The following RAP1GAP variants were observed in gnomAD, a reference collection of about 807,000 sequenced individuals.
RAP1GAP encodes RAP1 GTPase activating protein.
RAP1GAP carries 35 observed loss-of-function variants against 87.2 expected under a neutral mutation model. The observed-to-expected ratio is 0.40, with a 90% CI of 0.31 to 0.53. RAP1GAP has a LOEUF of 0.53. RAP1GAP is among the 20% of genes least tolerant of loss of function. The pLI is 0.48. For synonymous variants in RAP1GAP, 375 were observed against 363.9 expected (o/e 1.03, Z -0.35); for missense variants, 734 against 898.9 (o/e 0.82, Z 2.35).
intron 1 of RAP1GAP, among the ~76,000 whole-genome samples, chr1:21,655,472 T>TCC (rs2096823951): frequency 6.6e-6 from 1 of 152,216 alleles, no homozygotes; most frequent in South Asian, 2.1e-4. Flanking sequence ...AACACATTAG[T>TCC]AACATCCCAT....
chr1:21,631,186 A>G (rs2093653716), intron 2 of RAP1GAP, among the ~76,000 whole-genome samples: 1 of 151,874 alleles, frequency 6.6e-6, no homozygotes, highest in South Asian at 2.1e-4. Context: ...CGTCTCCAAA[A>G]ACCATCCAAC....
At chr1:21,649,961 G>A (rs966946644) in intron 1 of RAP1GAP, among the ~76,000 whole-genome samples, 165 bp from the exon 2 acceptor site, 1 of 151,946 alleles carries the variant, frequency 6.6e-6, no homozygotes, top group Non-Finnish European at 1.5e-5. Context: ...GGCTGCAGTC[G>A]CCTGACTGTC....
chr1:21,617,309 G>T lies in RAP1GAP; in HGVS notation c.288C>A (p.Gly96=), dbSNP rs1420173601. 1 of 1,569,576 alleles carries T rather than the reference G, an allele frequency of 6.4e-7. No homozygotes were observed. Among genetic ancestry groups the T allele is most frequent in the South Asian group, 1.2e-5 (1 of 85,600 alleles). ...GCTGCACCAGCCGGCCACCCACCTT[G>T]CCGAGAAAGTGCTTCCGGTAGATGC... ...TARIYRKHFL[G]KEHFNYYSLD... The change falls in exon 7 of 25, where the codon GGC becomes GGA. Residue 96 remains glycine (G), a synonymous_variant. Transcript: ENST00000374765.
At chr1:21,632,215 G>A (rs567909253) in intron 2 of RAP1GAP, among the ~76,000 whole-genome samples, 29 of 152,216 alleles carry the variant, frequency 1.9e-4, no homozygotes, top group African/African-American at 6.5e-4. Flanking sequence ...GGGTGTGGGG[G>A]AAGGGCCCAG....
chr1:21,617,553 C>A, intron 6 of RAP1GAP, 62 bp from the exon 7 acceptor site: 1 of 1,513,036 alleles, frequency 6.6e-7, no homozygotes, highest in South Asian at 1.2e-5. Context: ...CCCAGGACAC[C>A]CTCCCAACTC....
At chr1:21,629,569 T>C (rs912844820) in intron 2 of RAP1GAP, among the ~76,000 whole-genome samples, 1 of 152,060 alleles carries the variant, frequency 6.6e-6, no homozygotes, top group Admixed American at 6.5e-5. Flanking sequence ...AAAAAGCCAC[T>C]GCTGAGGCCG....
At chr1:21,646,024 C>T (rs1428685231) in intron 2 of RAP1GAP, among the ~76,000 whole-genome samples, 2 of 152,226 alleles carry the variant, frequency 1.3e-5, no homozygotes, top group African/African-American at 4.8e-5. Flanking sequence ...TGCCCCTGGG[C>T]CACCACTTCC....
chr1:21,631,417 G>A (rs990278033), intron 2 of RAP1GAP, among the ~76,000 whole-genome samples: 2 of 152,220 alleles, frequency 1.3e-5, no homozygotes, highest in Non-Finnish European at 2.9e-5. Flanking sequence ...TGGGCACGGT[G>A]GCTCACACCT....
chr1:21,648,078 G>A (rs1035364890), intron 2 of RAP1GAP, among the ~76,000 whole-genome samples: 2 of 152,218 alleles, frequency 1.3e-5, no homozygotes, highest in African/African-American at 2.4e-5. Flanking sequence ...TGGGAAGGGA[G>A]GGCCTAGGGT....
Position 21,627,233 on chromosome 1 carries a change from C to T in RAP1GAP, c.-112-836G>A, listed in dbSNP as rs116496839. On this transcript the variant is annotated intron_variant, in intron 2 of 24. Transcript: ENST00000374765. The stretch of plus-strand genomic sequence containing the variant: ...TAGGGCCACCCTGACGTGGCTGCAC[C>T]TCTGCTCAGGTCCCATCAAGAGAGG... Among the ~76,000 whole-genome samples the T allele has an allele frequency of 5.6e-3, 860 of 152,298 alleles. 6 individuals are homozygous for T. Among genetic ancestry groups the T allele is most frequent in the African/African-American group, 0.02 (832 of 41,568 alleles).
In RAP1GAP at chr1:21,612,123, C is replaced by A; in HGVS notation, c.529-14G>T. 2 of 1,540,530 alleles carry A rather than the reference C, an allele frequency of 1.3e-6. No individual in the cohort carries two copies. Among genetic ancestry groups the A allele is most frequent in the Non-Finnish European group, 1.8e-6 (2 of 1,136,716 alleles). ...GAGCCGGGAAGCCTGCAGGAGAGGA[C>A]GCCGGGTGAAGAGGCTGCGTGTGCA... On this transcript the variant is annotated splice_polypyrimidine_tract_variant and intron_variant, in intron 10 of 24. Coordinates refer to ENST00000374765, the MANE Select transcript of RAP1GAP (RefSeq NM_002885.4).
In RAP1GAP at chr1:21,603,700, A is replaced by T; in HGVS notation, c.1429-787T>A. 1.0e-6 allele frequency: 1 copy of T among 972,890 alleles called. No individual in the cohort carries two copies. The highest frequency in any genetic ancestry group is 1.7e-6 in the Non-Finnish European group (1 of 605,660). The allele number at this position is 972,890 out of a possible 1,614,324, so 60.3% of individuals were successfully genotyped here. On this transcript the variant is annotated intron_variant, in intron 18 of 24. Coordinates refer to ENST00000374765, the MANE Select transcript of RAP1GAP (RefSeq NM_002885.4). The surrounding 1 kb of genome is among the most constrained non-coding windows in gnomAD (Gnocchi z 6.0). ...GCTGAGTGCCATCGGAGCTGCCGCC[A>T]CTCCATCCCGCACGCCCTGGGGCCT...
At chr1:21,600,550 A>G (rs1469964081) in intron 20 of RAP1GAP, among the ~76,000 whole-genome samples, 1 of 152,094 alleles carries the variant, frequency 6.6e-6, no homozygotes, top group Admixed American at 6.6e-5. Context: ...CGCCCTCGTA[A>G]TTAAAATCCT....
intron 1 of RAP1GAP, among the ~76,000 whole-genome samples, chr1:21,663,930 C>G (rs1438964910): frequency 6.6e-6 from 1 of 152,218 alleles, no homozygotes; most frequent in Non-Finnish European, 1.5e-5. Context: ...GCAATTCCCC[C>G]AGAGATACAA....
chr1:21,651,365 G>A (rs1350671173), intron 1 of RAP1GAP: 1 of 502,368 alleles, frequency 2.0e-6, no homozygotes, highest in Non-Finnish European at 4.0e-6. Context: ...ACCTCCCCCT[G>A]ACCTGCCTGC....
Position 21,610,332 on chromosome 1 carries a change from G to C in RAP1GAP, c.844-57C>G, listed in dbSNP as rs972676796. 90 of 1,596,578 alleles carry C rather than the reference G, an allele frequency of 5.6e-5. No homozygotes were observed. In the African/African-American group the frequency reaches 1.1e-3, roughly 20 times the overall value. ...GGCCAGAGGGGGCCCATGGGGGAGA[G>C]GGGTGCCCACGGGGGTTTAGGAGGG... On this transcript the variant is annotated intron_variant, in intron 13 of 24. Coordinates refer to ENST00000374765, the MANE Select transcript of RAP1GAP (RefSeq NM_002885.4).
intron 7 of RAP1GAP, among the ~76,000 whole-genome samples, chr1:21,616,136 A>AACACACACACACAC (rs58644324): frequency 4.7e-5 from 6 of 126,792 alleles, no homozygotes; most frequent in African/African-American, 1.8e-4. Flanking sequence ...CCCTCTTCCC[A>AACACACACACACAC]ACACACACAC....
intron 2 of RAP1GAP, among the ~76,000 whole-genome samples, chr1:21,649,098 G>A (rs1310919634): frequency 6.6e-6 from 1 of 152,222 alleles, no homozygotes; most frequent in African/African-American, 2.4e-5. Flanking sequence ...AAGCCCGGAG[G>A]CACCTGCCTG....
chr1:21,608,041 C>G (rs1316435781), intron 17 of RAP1GAP, among the ~76,000 whole-genome samples, 172 bp downstream of exon 17: 1 of 151,832 alleles, frequency 6.6e-6, no homozygotes, highest in Admixed American at 6.6e-5. Flanking sequence ...CGGCCTCTAG[C>G]TGCACTCCCC....
Sources: allele counts gnomAD v4.1 joint callset (sites outside exome capture counted in the v4.1 genomes callset), GRCh38; gene constraint gnomAD v4.1.1; non-coding constraint Gnocchi (gnomAD v3.1); transcripts MANE v1.5; gene names NCBI Gene and HGNC (gene_info 2026-07-23, HGNC 2026-07-21).